Variants in SCFD2 observed in about 807,000 individuals in gnomAD.
The protein encoded by SCFD2 is sec1 family domain containing 2.
In SCFD2, 54 loss-of-function variants were observed where a neutral mutation model predicts 58.9. The observed-to-expected ratio is 0.92, with a 90% CI of 0.74 to 1.15. The LOEUF (loss-of-function observed/expected upper bound fraction) is 1.15. Ranked by LOEUF, SCFD2 falls within the 50% of genes most tolerant of loss-of-function variation. SCFD2 has a pLI of 0.00. For missense variants in SCFD2, 805 were observed against 836.6 expected (o/e 0.96, Z 0.47); for synonymous variants, 321 against 335.9 (o/e 0.96, Z 0.49).
intron 4 of SCFD2, among the ~76,000 whole-genome samples, chr4:53,251,502 A>T (rs993231443): frequency 6.6e-6 from 1 of 152,150 alleles, no homozygotes; most frequent in Admixed American, 6.6e-5. Context: ...CTGGCAAACC[A>T]AATCCAGCAG....
intron 5 of SCFD2, among the ~76,000 whole-genome samples, chr4:53,113,749 G>A (rs187059972): frequency 1.1e-3 from 171 of 152,054 alleles, no homozygotes; most frequent in South Asian, 2.1e-3. Flanking sequence ...AGTAAAAATT[G>A]GACAAATGAA....
At chr4:52,898,792 C>T (rs1306147604) in intron 7 of SCFD2, among the ~76,000 whole-genome samples, 3 of 152,200 alleles carry the variant, frequency 2.0e-5, no homozygotes, top group East Asian at 3.9e-4. Flanking sequence ...GAGTCTAAGT[C>T]TCTTTGTAGG....
chr4:53,216,961 T>C (rs1473069034), intron 4 of SCFD2, among the ~76,000 whole-genome samples: 2 of 152,166 alleles, frequency 1.3e-5, no homozygotes, highest in South Asian at 2.1e-4. Flanking sequence ...CGGTTTTGAG[T>C]GAGTTTCTTA....
At chr4:53,328,414 G>C (rs1733287245) in intron 2 of SCFD2, among the ~76,000 whole-genome samples, 1 of 152,082 alleles carries the variant, frequency 6.6e-6, no homozygotes, top group Non-Finnish European at 1.5e-5. Context: ...ATACCAGAAA[G>C]TATTAAAATG....
intron 4 of SCFD2, among the ~76,000 whole-genome samples, chr4:53,165,502 C>T (rs1483610201): frequency 6.6e-6 from 1 of 152,136 alleles, no homozygotes; most frequent in African/African-American, 2.4e-5. Flanking sequence ...ACTTGCACGA[C>T]CCTACATGAC....
At chr4:53,334,923 G>A (rs1443573644) in intron 2 of SCFD2, among the ~76,000 whole-genome samples, 7 of 152,012 alleles carry the variant, frequency 4.6e-5, no homozygotes, top group East Asian at 3.9e-4. Flanking sequence ...CAGGCAGGGC[G>A]CGATGGCTCA....
At chr4:52,980,176 A>T (rs558826906) in intron 5 of SCFD2, among the ~76,000 whole-genome samples, 1 of 152,214 alleles carries the variant, frequency 6.6e-6, no homozygotes, top group Admixed American at 6.5e-5. Context: ...AATGGAAATG[A>T]TAATGTTGAA....
At chr4:52,902,806 C>T (rs573537736) in intron 7 of SCFD2, among the ~76,000 whole-genome samples, 25 of 152,238 alleles carry the variant, frequency 1.6e-4, no homozygotes, top group Non-Finnish European at 3.5e-4. Flanking sequence ...AGTTAGTAAA[C>T]GGTGGAGCTT....
intron 4 of SCFD2, among the ~76,000 whole-genome samples, chr4:53,206,602 C>T (rs1441931711): frequency 1.3e-5 from 2 of 152,020 alleles, no homozygotes; most frequent in South Asian, 4.2e-4. Context: ...TCAATGTTGC[C>T]ACTGCTTTAA....
rs577776471 is a variant in SCFD2 at position 53,237,785 on chromosome 4, T to C, written c.1311+36041A>G. Among the ~76,000 whole-genome samples, 232 of 59,870 alleles carry C rather than the reference T, an allele frequency of 3.9e-3. 4 individuals are homozygous for C. Among genetic ancestry groups the C allele is most frequent in the African/African-American group, 0.015 (210 of 14,016 alleles). 39.3% of individuals were successfully genotyped at this position (59,870 alleles called of 152,430 possible). On this transcript the variant is annotated intron_variant, in intron 4 of 8. Transcript: ENST00000401642. ...CGGGCGGGGGGCTGACCCCCCCACCTCCATCCCGGACGGGGCGGCTGGCCG... is the reference window on the plus strand; with the variant it reads ...CGGGCGGGGGGCTGACCCCCCCACCCCCATCCCGGACGGGGCGGCTGGCCG...
rs538717944 is a variant in SCFD2 at position 53,230,747 on chromosome 4, T to G, written c.1311+43079A>C. ...GTAACAAACCTGCACGTTGTGCACA[T>G]GTACCCTAAAAGTTAAAGTATAATA... On this transcript the variant is annotated intron_variant, in intron 4 of 8. Coordinates refer to ENST00000401642, the MANE Select transcript of SCFD2 (RefSeq NM_152540.4). 2.9e-3 allele frequency among the ~76,000 whole-genome samples: 445 copies of G among 152,136 alleles called. 16 individuals are homozygous for G. The highest frequency in any genetic ancestry group is 2.5e-3 in the Non-Finnish European group (169 of 67,978).
At chr4:53,036,477 A>G (rs1560308895) in intron 5 of SCFD2, among the ~76,000 whole-genome samples, 3 of 151,796 alleles carry the variant, frequency 2.0e-5, no homozygotes, top group Non-Finnish European at 4.4e-5. Flanking sequence ...GATAAAGAAA[A>G]TGTGGCACAA....
chr4:52,925,359 T>C (rs929132130), intron 5 of SCFD2, among the ~76,000 whole-genome samples: 2 of 147,210 alleles, frequency 1.4e-5, no homozygotes, highest in Admixed American at 1.3e-4. Context: ...TATATACATA[T>C]ATATATATAT....
chr4:53,062,609 C>T (rs1181215951), intron 5 of SCFD2, among the ~76,000 whole-genome samples: 1 of 152,048 alleles, frequency 6.6e-6, no homozygotes, highest in Non-Finnish European at 1.5e-5. Context: ...AACATTATTT[C>T]TTGTCAGCTG....
At chr4:53,212,037 T>C (rs1171630516) in intron 4 of SCFD2, among the ~76,000 whole-genome samples, 2 of 152,112 alleles carry the variant, frequency 1.3e-5, no homozygotes, top group Non-Finnish European at 2.9e-5. Flanking sequence ...CCTTCACTTC[T>C]TCCCTTCTTC....
chr4:53,010,666 A>C (rs757828086), intron 5 of SCFD2, among the ~76,000 whole-genome samples: 4 of 152,246 alleles, frequency 2.6e-5, no homozygotes, highest in Non-Finnish European at 4.4e-5. Flanking sequence ...TAAAGGATGA[A>C]TAAGTGAACA....
intron 5 of SCFD2, among the ~76,000 whole-genome samples, chr4:53,028,703 C>T (rs184850241): frequency 6.6e-6 from 1 of 152,212 alleles, no homozygotes; most frequent in East Asian, 1.9e-4. Flanking sequence ...GAAAGCTCTT[C>T]CCCGGGGTTT....
chr4:53,342,311 G>A (rs1553902259), intron 2 of SCFD2, among the ~76,000 whole-genome samples: 1 of 152,168 alleles, frequency 6.6e-6, no homozygotes, highest in Non-Finnish European at 1.5e-5. Flanking sequence ...TGCAATCCTA[G>A]TCTTGGATAA....
intron 4 of SCFD2, among the ~76,000 whole-genome samples, chr4:53,212,071 A>G (rs1349260931): frequency 6.6e-6 from 1 of 152,038 alleles, no homozygotes; most frequent in Non-Finnish European, 1.5e-5. Flanking sequence ...TATTGGATGG[A>G]TAGTACACCC....
Sources: allele counts gnomAD v4.1 joint callset (sites outside exome capture counted in the v4.1 genomes callset), GRCh38; gene constraint gnomAD v4.1.1; transcripts MANE v1.5; gene names NCBI Gene and HGNC (gene_info 2026-07-23, HGNC 2026-07-21).